PTPRT: variants seen among roughly 807,000 people sequenced by gnomAD.
The protein encoded by PTPRT is receptor-type tyrosine-protein phosphatase T.
Under a neutral mutation model 176.8 loss-of-function variants are expected in PTPRT, and 56 were observed. The observed-to-expected ratio is 0.32, with a 90% confidence interval of 0.26 to 0.40. The LOEUF (loss-of-function observed/expected upper bound fraction) is 0.40, where lower values mean the gene tolerates loss of function less well. Among genes scored for constraint, PTPRT ranks in the 10% least tolerant of loss-of-function variants. PTPRT has a pLI of 1.00. For missense variants in PTPRT, 1,540 were observed against 1,908.2 expected, an observed-to-expected ratio of 0.81 and a Z score of 3.60; for synonymous variants, 783 against 739.0, an observed-to-expected ratio of 1.06 and a Z score of -0.96.
intron 16 of PTPRT, among the ~76,000 whole-genome samples, chr20:42,168,787 C>T (rs1989946924): frequency 6.6e-6 from 1 of 152,184 alleles, no homozygotes; most frequent in Non-Finnish European, 1.5e-5. Context: ...ATGCTCTGTT[C>T]TGTGTTTCTG....
intron 2 of PTPRT, among the ~76,000 whole-genome samples, chr20:42,831,633 G>A (rs1484572166): frequency 6.6e-6 from 1 of 152,128 alleles, no homozygotes; most frequent in Non-Finnish European, 1.5e-5. Flanking sequence ...CTATGCATCT[G>A]ACAACAGTAT....
chr20:42,384,214 C>T (rs1312320603), intron 9 of PTPRT, among the ~76,000 whole-genome samples: 1 of 152,218 alleles, frequency 6.6e-6, no homozygotes, highest in Non-Finnish European at 1.5e-5. Flanking sequence ...TACAATGTGG[C>T]TCTTGCTTTA....
intron 1 of PTPRT, among the ~76,000 whole-genome samples, chr20:42,950,796 G>T (rs1907320262): frequency 6.6e-6 from 1 of 152,196 alleles, no homozygotes; most frequent in South Asian, 2.1e-4. Context: ...TTTCTAGCAG[G>T]CAAGGAAACA....
intron 15 of PTPRT, among the ~76,000 whole-genome samples, chr20:42,204,797 G>A (rs995148628): frequency 6.6e-6 from 1 of 151,988 alleles, no homozygotes; most frequent in Non-Finnish European, 1.5e-5. Flanking sequence ...GAGGAATGAA[G>A]GGCTGTTAAA....
chr20:42,895,797 G>C (rs1414857920), intron 1 of PTPRT, among the ~76,000 whole-genome samples: 2 of 152,060 alleles, frequency 1.3e-5, no homozygotes, highest in East Asian at 3.8e-4. Context: ...TTATTTGTGG[G>C]CTATATAAAA....
chr20:42,884,501 A>G (rs2079072569), intron 2 of PTPRT, among the ~76,000 whole-genome samples: 1 of 152,160 alleles, frequency 6.6e-6, no homozygotes, highest in South Asian at 2.1e-4. Flanking sequence ...CCAAGATGAC[A>G]TGGCAGCTGG....
At chr20:43,055,132 G>GCCT (rs1167311601) in intron 1 of PTPRT, among the ~76,000 whole-genome samples, 2 of 151,912 alleles carry the variant, frequency 1.3e-5, no homozygotes, top group Non-Finnish European at 2.9e-5. Flanking sequence ...ATTACCTTGG[G>GCCT]CCTAACATTA....
At chr20:42,126,813 A>G (rs1214349562) in intron 19 of PTPRT, among the ~76,000 whole-genome samples, 1 of 152,200 alleles carries the variant, frequency 6.6e-6, no homozygotes, top group Non-Finnish European at 1.5e-5. Context: ...GTATGAAGGA[A>G]AGGCTGCTGG....
At chr20:42,854,060 G>A (rs1458867467) in intron 2 of PTPRT, among the ~76,000 whole-genome samples, 3 of 152,124 alleles carry the variant, frequency 2.0e-5, no homozygotes, top group African/African-American at 7.2e-5. Flanking sequence ...TAGAACTGGG[G>A]AGACCTGCAG....
intron 7 of PTPRT, among the ~76,000 whole-genome samples, chr20:42,554,784 T>A (rs4810358): frequency 0.52 from 79,294 of 151,890 alleles, 21,307 homozygotes; most frequent in African/African-American, 0.64. Flanking sequence ...CAAGTGTCAA[T>A]GAAAAGAACA....
At chr20:42,218,902 G>C (rs1369796139) in intron 15 of PTPRT, among the ~76,000 whole-genome samples, 1 of 152,234 alleles carries the variant, frequency 6.6e-6, no homozygotes, top group Non-Finnish European at 1.5e-5. Flanking sequence ...TACTTTGGCT[G>C]TAAGAGGCAG....
rs1045525108 is a variant in PTPRT, at chr20:43,091,147, C to G, written c.88+98499G>C. On this transcript the variant is annotated intron_variant, in intron 1 of 30. Coordinates refer to ENST00000373187, the MANE Select transcript of PTPRT (RefSeq NM_007050.6). ...ACTGGGGAGGCTGAGACAGGAGAAT[C>G]GCTTGAACCTGAAAAGCGGAGGTTG... 2.6e-5 allele frequency among the ~76,000 whole-genome samples: 4 copies of G among 152,160 alleles called. No homozygotes were observed. The East Asian group carries it at 7.7e-4, about 29-fold the overall frequency.
At chr20:43,147,038 C>G (rs2014190668) in intron 1 of PTPRT, among the ~76,000 whole-genome samples, 1 of 152,166 alleles carries the variant, frequency 6.6e-6, no homozygotes, top group Non-Finnish European at 1.5e-5. Flanking sequence ...GATCACTAAC[C>G]AGCTTCATCC....
chr20:42,818,096 C>G (rs528510958), intron 2 of PTPRT, among the ~76,000 whole-genome samples: 1 of 152,160 alleles, frequency 6.6e-6, no homozygotes, highest in African/African-American at 2.4e-5. Flanking sequence ...TGTCAGATAC[C>G]CTATACAGGA....
intron 12 of PTPRT, among the ~76,000 whole-genome samples, chr20:42,300,752 A>G (rs948763860): frequency 6.8e-5 from 10 of 148,102 alleles, no homozygotes; most frequent in African/African-American, 2.3e-4. Flanking sequence ...ACATCTTTTT[A>G]TTTGTATTAT....
chr20:42,085,934 T>C, intron 27 of PTPRT, 81 bp from the exon 28 acceptor site: 2 of 1,414,414 alleles, frequency 1.4e-6, no homozygotes, highest in Non-Finnish European at 9.6e-7. Flanking sequence ...CAAGCTTTTC[T>C]TTTCTTTTTT....
chr20:42,199,166 TG>T, intron 16 of PTPRT, 73 bp downstream of exon 16: 2 of 1,530,110 alleles, frequency 1.3e-6, no homozygotes, highest in Non-Finnish European at 1.8e-6. Flanking sequence ...GATCAATGTG[TG>T]GGGTTCACAG....
intron 1 of PTPRT, among the ~76,000 whole-genome samples, chr20:43,122,314 A>T (rs893191431): frequency 6.6e-6 from 1 of 151,638 alleles, no homozygotes; most frequent in Non-Finnish European, 1.5e-5. Context: ...AATGATTCCT[A>T]CTCCCTCTTG....
intron 1 of PTPRT, among the ~76,000 whole-genome samples, chr20:42,984,748 TAGA>T (rs1007539946): frequency 2.5e-4 from 38 of 152,330 alleles, no homozygotes; most frequent in Admixed American, 2.4e-3. Flanking sequence ...ATATAGGTAG[TAGA>T]AGAAGAGCCT....
Sources: gnomAD v4.1 joint callset for allele counts (sites outside exome capture counted in the v4.1 genomes callset) on GRCh38, gnomAD v4.1.1 for gene constraint, MANE v1.5 for transcripts, NCBI Gene and HGNC (gene_info 2026-07-23, HGNC 2026-07-21) for gene names.